ST7L: variants seen among roughly 807,000 people sequenced by gnomAD.
The protein encoded by ST7L is suppression of tumorigenicity 7 like.
Under a neutral mutation model 72.5 loss-of-function variants are expected in ST7L, and 57 were observed. That is an observed-to-expected ratio of 0.79 (90% CI 0.64 to 0.98). The LOEUF is 0.98. Ranked by LOEUF, ST7L falls within the 50% of genes least tolerant of loss-of-function variation. The probability of loss-of-function intolerance (pLI) is 0.00; values close to 1 mark genes in which losing one functional copy is unlikely to be tolerated. For missense variants in ST7L, 576 were observed against 672.2 expected, an observed-to-expected ratio of 0.86 and a Z score of 1.58; for synonymous variants, 221 against 240.9, an observed-to-expected ratio of 0.92 and a Z score of 0.77.
chr1:112,603,626 C>G (rs1233898436), intron 3 of ST7L, among the ~76,000 whole-genome samples: 1 of 152,186 alleles, frequency 6.6e-6, no homozygotes, highest in Admixed American at 6.5e-5. Flanking sequence ...GTGGGAAATA[C>G]ATTTTTCACA....
At chr1:112,603,181 C>A (rs906394531) in intron 3 of ST7L, among the ~76,000 whole-genome samples, 1 of 152,114 alleles carries the variant, frequency 6.6e-6, no homozygotes, top group Admixed American at 6.6e-5. Context: ...AAAGACTTTT[C>A]TGTGAGAATG....
chr1:112,616,625 C>T (rs940642157), intron 2 of ST7L, among the ~76,000 whole-genome samples, 188 bp downstream of exon 2: 1 of 152,042 alleles, frequency 6.6e-6, no homozygotes, highest in African/African-American at 2.4e-5. Flanking sequence ...CACCTGTAAT[C>T]CCAGCTACTC....
chr1:112,565,270 A>C (rs1660832419), intron 11 of ST7L, among the ~76,000 whole-genome samples: 1 of 122,410 alleles, frequency 8.2e-6, no homozygotes, highest in East Asian at 2.4e-4. Context: ...GGGTTTCACC[A>C]TGTCGGCCAG....
intron 13 of ST7L, among the ~76,000 whole-genome samples, chr1:112,547,264 C>G (rs1657243376): frequency 6.6e-6 from 1 of 150,724 alleles, no homozygotes; most frequent in Non-Finnish European, 1.5e-5. Context: ...ACGATCTCGG[C>G]TCACTGCAAC....
intron 12 of ST7L, 128 bp from the exon 13 acceptor site, chr1:112,550,821 ACAAAGTAAG>A: frequency 1.5e-6 from 1 of 651,400 alleles, no homozygotes; most frequent in East Asian, 2.8e-5. Flanking sequence ...GATACGAGAA[ACAAAGTAAG>A]CAAAATAATA....
intron 11 of ST7L, among the ~76,000 whole-genome samples, chr1:112,557,986 C>T (rs978799205): frequency 1.3e-5 from 2 of 152,152 alleles, no homozygotes; most frequent in African/African-American, 4.8e-5. Context: ...ATCAAATGTA[C>T]TTGTTATATG....
intron 11 of ST7L, among the ~76,000 whole-genome samples, chr1:112,559,833 G>A (rs928026479): frequency 6.6e-6 from 1 of 151,198 alleles, no homozygotes. Flanking sequence ...ACAAAAATTA[G>A]CCAGGCGTGG....
intron 13 of ST7L, among the ~76,000 whole-genome samples, chr1:112,547,969 G>A (rs1279483232): frequency 1.3e-5 from 2 of 152,098 alleles, no homozygotes; most frequent in Non-Finnish European, 2.9e-5. Flanking sequence ...CTTACAATGT[G>A]CCAGCCATGT....
intron 11 of ST7L, among the ~76,000 whole-genome samples, chr1:112,558,624 G>C (rs1659578614): frequency 6.6e-6 from 1 of 152,152 alleles, no homozygotes; most frequent in East Asian, 1.9e-4. Flanking sequence ...CACAAACTAT[G>C]AGATTATTTA....
intron 10 of ST7L, 54 bp downstream of exon 10, chr1:112,578,291 A>G: frequency 1.4e-6 from 2 of 1,473,806 alleles, no homozygotes; most frequent in Non-Finnish European, 1.9e-6. Flanking sequence ...GAGGACAAGC[A>G]TAATACTGAG....
chr1:112,579,895 A>C (rs948293612), intron 9 of ST7L, among the ~76,000 whole-genome samples: 1 of 152,180 alleles, frequency 6.6e-6, no homozygotes, highest in Non-Finnish European at 1.5e-5. Context: ...AGTTTGTTAC[A>C]TTCAGTCCCT....
chr1:112,534,352 A>G (rs1232353246), intron 14 of ST7L, among the ~76,000 whole-genome samples: 1 of 152,224 alleles, frequency 6.6e-6, no homozygotes, highest in African/African-American at 2.4e-5. Flanking sequence ...CTATCTTATC[A>G]ATTGTGTAAT....
In ST7L at chr1:112,580,450, G is replaced by A. The variant is rs191675797; in HGVS notation, c.1069+1542C>T. On this transcript the variant is annotated intron_variant, in intron 9 of 14. Coordinates refer to ENST00000358039, the MANE Select transcript of ST7L (RefSeq NM_017744.5). Reference sequence around the variant, plus strand: ...TTACAGGCATGAGCCACTGTGTCCAGCCTTCAATGTGACTTACATGTGTTC... The same window carrying A: ...TTACAGGCATGAGCCACTGTGTCCAACCTTCAATGTGACTTACATGTGTTC... Among the ~76,000 whole-genome samples, 684 of 152,268 alleles carry A rather than the reference G, an allele frequency of 4.5e-3. 12 individuals carry two copies. The highest frequency in any genetic ancestry group is 7.1e-3 in the East Asian group (37 of 5,178).
intron 12 of ST7L, among the ~76,000 whole-genome samples, chr1:112,553,629 G>C (rs1404249013): frequency 6.6e-6 from 1 of 152,010 alleles, no homozygotes; most frequent in Non-Finnish European, 1.5e-5. Context: ...ATGAGATATA[G>C]GTATGAGCCT....
chr1:112,543,017 C>A lies in ST7L; in HGVS notation c.1490-927G>T, dbSNP rs747788833. Among the ~76,000 whole-genome samples, 16 of 152,070 alleles carry A rather than the reference C, an allele frequency of 1.1e-4. 1 individual carries two copies. The highest frequency in any genetic ancestry group is 1.2e-4 in the Non-Finnish European group (8 of 67,982). ...GTTTTGCCATGTTGGCCAGGCTGGT[C>A]TCAAACTCCTGGCCTAAAGTGATCC... On this transcript the variant is annotated intron_variant, in intron 13 of 14. Coordinates refer to ENST00000358039, the MANE Select transcript of ST7L (RefSeq NM_017744.5).
At chr1:112,594,224 AAAAGGGCTTACT>A (rs1321383334) in intron 5 of ST7L, among the ~76,000 whole-genome samples, 2 of 151,868 alleles carry the variant, frequency 1.3e-5, no homozygotes, top group Admixed American at 1.3e-4. Flanking sequence ...AAAAAAAAAA[AAAAGGGCTTACT>A]TCTTACCCAT....
At chr1:112,574,654 G>A (rs1447886425) in intron 11 of ST7L, among the ~76,000 whole-genome samples, 2 of 147,334 alleles carry the variant, frequency 1.4e-5, no homozygotes, top group Non-Finnish European at 3.0e-5. Flanking sequence ...ACAAGACTCC[G>A]TCTCAAAAAA....
chr1:112,569,768 C>T (rs989826404), intron 11 of ST7L, among the ~76,000 whole-genome samples: 1 of 152,088 alleles, frequency 6.6e-6, no homozygotes, highest in Non-Finnish European at 1.5e-5. Context: ...ACCACCCTGG[C>T]TAACATGGTG....
intron 13 of ST7L, among the ~76,000 whole-genome samples, chr1:112,546,250 T>G (rs1245373364): frequency 1.4e-5 from 2 of 143,500 alleles, no homozygotes; most frequent in Non-Finnish European, 3.0e-5. Context: ...GCCTGAGAAG[T>G]CGAAGCTGCA....
Sources: allele counts gnomAD v4.1 joint callset (sites outside exome capture counted in the v4.1 genomes callset), GRCh38; gene constraint gnomAD v4.1.1; transcripts MANE v1.5; gene names NCBI Gene and HGNC (gene_info 2026-07-23, HGNC 2026-07-21).